CKMT2: variants seen among roughly 807,000 people sequenced by gnomAD.
CKMT2 encodes the protein creatine kinase S-type, mitochondrial.
CKMT2 carries 43 observed loss-of-function variants against 48.9 expected under a neutral mutation model. The observed-to-expected ratio is 0.88, with a 90% CI of 0.69 to 1.13. CKMT2 has a LOEUF of 1.13. Among genes scored for constraint, CKMT2 ranks in the 50% most tolerant of loss-of-function variants. The pLI is 0.00. For synonymous variants in CKMT2, 206 were observed against 213.0 expected (o/e 0.97, Z 0.29); for missense variants, 472 against 555.4 (o/e 0.85, Z 1.51).
At chr5:81,262,885 T>C (rs1265922384) in intron 8 of CKMT2, among the ~76,000 whole-genome samples, 3 of 152,208 alleles carry the variant, frequency 2.0e-5, no homozygotes, top group Non-Finnish European at 2.9e-5. Context: ...CGTGTGTTTA[T>C]TGAGTCACTG....
At chr5:81,235,600 C>T (rs1220564609) in intron 1 of CKMT2, among the ~76,000 whole-genome samples, 2 of 152,196 alleles carry the variant, frequency 1.3e-5, no homozygotes, top group African/African-American at 2.4e-5. Context: ...GCAGGGGGCT[C>T]GGGCTGGAGG....
At chr5:81,242,041 GTC>G (rs1756454218) in intron 1 of CKMT2, among the ~76,000 whole-genome samples, 1 of 152,022 alleles carries the variant, frequency 6.6e-6, no homozygotes, top group Non-Finnish European at 1.5e-5. Context: ...CTGTGGGGTA[GTC>G]TCTGCTGTGT....
chr5:81,245,346 C>T (rs911066492), intron 1 of CKMT2: 1 of 152,196 alleles, frequency 6.6e-6, no homozygotes, highest in Non-Finnish European at 1.5e-5. Flanking sequence ...CCATCTCTGT[C>T]GCTCACTAGC....
intron 1 of CKMT2, chr5:81,244,084 G>A: frequency 8.1e-6 from 8 of 985,450 alleles, no homozygotes; most frequent in Non-Finnish European, 9.6e-6. Context: ...ACACTAAACG[G>A]GTTGGGGAGG....
At chr5:81,257,990 C>G (rs1757076490) in intron 7 of CKMT2, 134 bp downstream of exon 7, 1 of 789,922 alleles carries the variant, frequency 1.3e-6, no homozygotes, top group African/African-American at 1.8e-5. Context: ...ACTGCCGCCT[C>G]CCAGGTTCAA....
intron 8 of CKMT2, among the ~76,000 whole-genome samples, chr5:81,263,266 A>G (rs886686902): frequency 2.6e-5 from 4 of 151,828 alleles, no homozygotes; most frequent in African/African-American, 7.3e-5. Flanking sequence ...TGGCACATGT[A>G]TACCTATTTA....
intron 8 of CKMT2, among the ~76,000 whole-genome samples, chr5:81,260,159 C>A (rs867227187): frequency 3.9e-5 from 6 of 152,168 alleles, no homozygotes; most frequent in African/African-American, 9.7e-5. Flanking sequence ...TAAATAAGTT[C>A]TTTGAAACCA....
At chr5:81,257,907 ATTG>A in intron 7 of CKMT2, 51 bp downstream of exon 7, 2 of 1,551,572 alleles carry the variant, frequency 1.3e-6, no homozygotes, top group South Asian at 2.4e-5. Flanking sequence ...AAATTACCGT[ATTG>A]TTTGTTCTTG....
At chr5:81,260,200 T>G (rs1757164670) in intron 8 of CKMT2, among the ~76,000 whole-genome samples, 1 of 152,108 alleles carries the variant, frequency 6.6e-6, no homozygotes, top group African/African-American at 2.4e-5. Context: ...TACCAGAATC[T>G]CTGGGACACA....
Position 81,243,696 on chromosome 5 carries a change from A to AT in CKMT2, c.-20-7404dup, listed in dbSNP as rs549451922. On this transcript the variant is annotated intron_variant, in intron 1 of 9. Coordinates refer to ENST00000254035, the MANE Select transcript of CKMT2 (RefSeq NM_001099735.2). The stretch of plus-strand genomic sequence containing the variant: ...GAGCTTTCATGAAATTCCTAATAGG[A>AT]TTTTTTTTTTTTTGAGTCAAGTCTC... Among the ~76,000 whole-genome samples, 940 of 145,238 alleles carry AT rather than the reference A, an allele frequency of 6.5e-3. 16 individuals carry two copies. The highest frequency in any genetic ancestry group is 0.061 in the East Asian group (306 of 4,996).
chr5:81,259,189 T>C lies in CKMT2; in HGVS notation c.949T>C (p.Cys317Arg). The change falls in exon 8 of 10, where the codon TGT (cysteine) becomes CGT (arginine). Residue 317 changes from cysteine (C) to arginine (R), a missense_variant. Coordinates refer to ENST00000254035, the MANE Select transcript of CKMT2 (RefSeq NM_001099735.2). ...TGAGCGCCTAGGATACATTTTGACC[T>C]GTCCTTCGAACCTTGGAACAGGACT... is the stretch of plus-strand genomic sequence containing the variant. ...WNERLGYILT[C>R]PSNLGTGLRA... The C allele has an allele frequency of 6.2e-7, 1 of 1,614,084 alleles. No homozygotes were observed. The highest frequency in any genetic ancestry group is 8.5e-7 in the Non-Finnish European group (1 of 1,179,968).
chr5:81,233,524 T>A, intron 1 of CKMT2, 147 bp downstream of exon 1: 1 of 529,058 alleles, frequency 1.9e-6, no homozygotes, highest in Non-Finnish European at 2.4e-6. Flanking sequence ...GGTGACTCGC[T>A]AAAGCCAGCA....
intron 9 of CKMT2, 124 bp from the exon 10 acceptor site, chr5:81,266,015 G>A (rs1757373906): frequency 2.6e-6 from 2 of 758,366 alleles, no homozygotes; most frequent in Admixed American, 2.3e-5. Flanking sequence ...TTCTGAGAAG[G>A]AAGGAATTGT....
At chr5:81,258,233 G>A (rs1169645779) in intron 7 of CKMT2, among the ~76,000 whole-genome samples, 2 of 150,936 alleles carry the variant, frequency 1.3e-5, no homozygotes, top group Admixed American at 1.3e-4. Context: ...ACCACGCCCA[G>A]CCTCAAGGCA....
chr5:81,250,261 C>A (rs553862192), intron 1 of CKMT2, among the ~76,000 whole-genome samples: 1 of 152,184 alleles, frequency 6.6e-6, no homozygotes, highest in South Asian at 2.1e-4. Flanking sequence ...TCTTACAAAT[C>A]AACTTGGTCA....
chr5:81,261,219 A>AAATT (rs1485090061), intron 8 of CKMT2, among the ~76,000 whole-genome samples: 1 of 152,196 alleles, frequency 6.6e-6, no homozygotes, highest in Non-Finnish European at 1.5e-5. Flanking sequence ...ACATATCTCA[A>AAATT]AATTATAAGA....
intron 9 of CKMT2, among the ~76,000 whole-genome samples, chr5:81,264,761 CA>C (rs1226574266): frequency 9.2e-5 from 14 of 152,006 alleles, no homozygotes; most frequent in African/African-American, 3.4e-4. Flanking sequence ...AGGAAAATGC[CA>C]AAAAATAATT....
chr5:81,235,999 G>A (rs1040497372), intron 1 of CKMT2: 3 of 152,324 alleles, frequency 2.0e-5, no homozygotes, highest in African/African-American at 7.2e-5. Context: ...GTGAGAGCTG[G>A]AGACCACCTT....
At chr5:81,255,463 T>C (rs1449684441) in intron 5 of CKMT2, among the ~76,000 whole-genome samples, 1 of 152,224 alleles carries the variant, frequency 6.6e-6, no homozygotes, top group East Asian at 1.9e-4. Flanking sequence ...AATATGGAGA[T>C]GGTGCCTGCG....
Sources: allele counts gnomAD v4.1 joint callset (sites outside exome capture counted in the v4.1 genomes callset), GRCh38; gene constraint gnomAD v4.1.1; transcripts MANE v1.5; gene names NCBI Gene and HGNC (gene_info 2026-07-23, HGNC 2026-07-21).